Variants in TENM2 observed in about 807,000 individuals in gnomAD.
TENM2 encodes the protein teneurin transmembrane protein 2.
Under a neutral mutation model 245.2 loss-of-function variants are expected in TENM2, and 52 were observed. The ratio of observed to expected loss-of-function variants is 0.21; its 90% confidence interval spans 0.17 to 0.27. The LOEUF (loss-of-function observed/expected upper bound fraction) is 0.27. TENM2 is among the 10% of genes least tolerant of loss of function. The probability of loss-of-function intolerance (pLI) is 1.00; values close to 1 mark genes in which losing one functional copy is unlikely to be tolerated. For synonymous variants in TENM2, 1,363 were observed against 1,438.9 expected (o/e 0.95, Z 1.19); for missense variants, 3,046 against 3,666.8 (o/e 0.83, Z 4.37).
intron 2 of TENM2, among the ~76,000 whole-genome samples, chr5:167,410,334 T>C (rs943041121): frequency 6.6e-6 from 1 of 152,062 alleles, no homozygotes; most frequent in African/African-American, 2.4e-5. Flanking sequence ...TCTTTCAAAA[T>C]ATGGTGCTCA....
chr5:167,809,385 T>G (rs1766463540), intron 2 of TENM2, among the ~76,000 whole-genome samples: 1 of 152,152 alleles, frequency 6.6e-6, no homozygotes, highest in Non-Finnish European at 1.5e-5. Flanking sequence ...CACCCATGGA[T>G]GAGAGTGAAA....
chr5:167,335,150 G>A (rs945704372), intron 1 of TENM2, among the ~76,000 whole-genome samples: 7 of 152,172 alleles, frequency 4.6e-5, no homozygotes, highest in Non-Finnish European at 8.8e-5. Flanking sequence ...TTCTGAGGAG[G>A]CCTCAGGGAG....
At chr5:167,219,485 G>A in the TENM2 span, among the ~76,000 whole-genome samples, 1 of 152,162 alleles carries the variant, frequency 6.6e-6, no homozygotes, top group Non-Finnish European at 1.5e-5. Context: ...GCAAAGCCAG[G>A]GAGTCTCAGC....
chr5:167,031,152 A>G, the TENM2 span, among the ~76,000 whole-genome samples: 1 of 152,198 alleles, frequency 6.6e-6, no homozygotes, highest in Non-Finnish European at 1.5e-5. Flanking sequence ...ATCCAGACAA[A>G]AGGCAAGATT....
At chr5:167,939,526 A>C (rs973810686) in intron 3 of TENM2, among the ~76,000 whole-genome samples, 4 of 152,344 alleles carry the variant, frequency 2.6e-5, no homozygotes, top group Admixed American at 1.3e-4. Flanking sequence ...AAATCAGAGA[A>C]GCTTATAACA....
intron 3 of TENM2, among the ~76,000 whole-genome samples, chr5:167,877,878 C>T (rs1431079305): frequency 2.0e-5 from 3 of 152,116 alleles, no homozygotes; most frequent in Non-Finnish European, 4.4e-5. Context: ...GAACTACCTT[C>T]GCTTATGTTT....
chr5:167,591,969 T>C (rs1282784381), intron 2 of TENM2, among the ~76,000 whole-genome samples: 2 of 152,186 alleles, frequency 1.3e-5, no homozygotes, highest in Non-Finnish European at 2.9e-5. Flanking sequence ...ATAGGAGAAC[T>C]GGAAAATACA....
intron 2 of TENM2, among the ~76,000 whole-genome samples, chr5:167,851,735 C>T (rs895847650): frequency 6.6e-6 from 1 of 152,118 alleles, no homozygotes; most frequent in Non-Finnish European, 1.5e-5. Context: ...CAGAGATTCC[C>T]GCAGCTCTCT....
intron 2 of TENM2, among the ~76,000 whole-genome samples, chr5:167,701,412 A>G (rs1247426421): frequency 6.6e-6 from 1 of 150,990 alleles, no homozygotes; most frequent in Non-Finnish European, 1.5e-5. Context: ...TTTTTTTTAC[A>G]TCAGTTTAAA....
chr5:167,194,956 TA>T, the TENM2 span, among the ~76,000 whole-genome samples: 1 of 152,042 alleles, frequency 6.6e-6, no homozygotes. Flanking sequence ...CACTCTTAAC[TA>T]CTACGCTATA....
chr5:167,360,416 G>A (rs763254147), intron 1 of TENM2, among the ~76,000 whole-genome samples: 5 of 152,172 alleles, frequency 3.3e-5, no homozygotes, highest in Non-Finnish European at 7.3e-5. Flanking sequence ...GTTAATGGAT[G>A]TACTAGTGAA....
intron 2 of TENM2, among the ~76,000 whole-genome samples, chr5:167,422,457 A>G (rs143944565): frequency 7.0e-4 from 107 of 152,284 alleles, no homozygotes; most frequent in African/African-American, 2.5e-3. Flanking sequence ...AAAGATATAT[A>G]CCTAACATTT....
chr5:167,110,959 C>T, the TENM2 span, among the ~76,000 whole-genome samples: 1 of 152,124 alleles, frequency 6.6e-6, no homozygotes, highest in African/African-American at 2.4e-5. Context: ...GGTTGTTTTG[C>T]TCTAGCATGG....
At chr5:167,574,881 A>G (rs1774535277) in intron 2 of TENM2, among the ~76,000 whole-genome samples, 2 of 152,182 alleles carry the variant, frequency 1.3e-5, no homozygotes, top group Admixed American at 6.5e-5. Context: ...GTTGTGGATT[A>G]TATTTGATGG....
At chr5:167,184,187 A>G in the TENM2 span, among the ~76,000 whole-genome samples, 1 of 152,230 alleles carries the variant, frequency 6.6e-6, no homozygotes, top group Non-Finnish European at 1.5e-5. Flanking sequence ...AGCTCGGAAT[A>G]TATTTTTGAA....
intron 5 of TENM2, chr5:168,032,994 C>T (rs1216720851): frequency 5.3e-5 from 8 of 152,164 alleles, no homozygotes; most frequent in Admixed American, 4.6e-4. Context: ...AATCTTAACA[C>T]ATTAAGCTTT....
chr5:167,984,360 T>A (rs975316036), intron 4 of TENM2, among the ~76,000 whole-genome samples: 4 of 152,208 alleles, frequency 2.6e-5, no homozygotes, highest in Admixed American at 1.3e-4. Flanking sequence ...TTTCTATTTT[T>A]AAAATGTATA....
chr5:167,040,458 A>G, the TENM2 span, among the ~76,000 whole-genome samples: 29 of 152,028 alleles, frequency 1.9e-4, no homozygotes, highest in Non-Finnish European at 3.8e-4. Flanking sequence ...TCATGATACT[A>G]GGTCAGGAAC....
In TENM2 at chr5:167,910,284, A is replaced by G. The variant is rs75453439; in HGVS notation, c.712+34089A>G. 1.3e-4 allele frequency among the ~76,000 whole-genome samples: 20 copies of G among 152,250 alleles called. No homozygotes were observed. In the South Asian group the frequency reaches 1.9e-3, roughly 14 times the overall value. On this transcript the variant is annotated intron_variant, in intron 3 of 28. Coordinates refer to ENST00000518659, the Ensembl canonical transcript of TENM2. ...CTCAGCGGTCCTCCAGGCAGCTACT[A>G]CTAATCAATCAGAATTGGCATGCAA... is the stretch of plus-strand genomic sequence containing the variant.
Sources: allele counts gnomAD v4.1 joint callset (sites outside exome capture counted in the v4.1 genomes callset), GRCh38; gene constraint gnomAD v4.1.1; transcripts MANE v1.5; gene names NCBI Gene and HGNC (gene_info 2026-07-23, HGNC 2026-07-21).